AKAP1: variants seen among roughly 807,000 people sequenced by gnomAD.
The protein encoded by AKAP1 is A-kinase anchoring protein 1.
In AKAP1, 32 loss-of-function variants were observed where a neutral mutation model predicts 79.8. The observed-to-expected ratio is 0.40, with a 90% confidence interval of 0.30 to 0.54. The LOEUF (loss-of-function observed/expected upper bound fraction) is 0.54. Among genes scored for constraint, AKAP1 ranks in the 20% least tolerant of loss-of-function variants. AKAP1 has a pLI of 0.47. For missense variants in AKAP1, 961 were observed against 1,138.9 expected (o/e 0.84, Z 2.25); for synonymous variants, 416 against 466.7 (o/e 0.89, Z 1.40).
At chr17:57,087,138 A>G (rs985737771) in intron 1 of AKAP1, among the ~76,000 whole-genome samples, 5 of 152,240 alleles carry the variant, frequency 3.3e-5, no homozygotes, top group Admixed American at 1.3e-4. Context: ...TCCTACAGGC[A>G]TGCAAATCAC....
chr17:57,100,777 A>G (rs1039417433), intron 1 of AKAP1, among the ~76,000 whole-genome samples: 1 of 152,052 alleles, frequency 6.6e-6, no homozygotes, highest in African/African-American at 2.4e-5. Context: ...GCCTTTCCTC[A>G]TAGCCACTTT....
chr17:57,111,713 C>G (rs1915256929), intron 3 of AKAP1, 85 bp from the exon 4 acceptor site: 3 of 1,520,206 alleles, frequency 2.0e-6, no homozygotes, highest in Non-Finnish European at 2.7e-6. Flanking sequence ...TGAGCATGAT[C>G]TTGTGTAAAA....
intron 1 of AKAP1, among the ~76,000 whole-genome samples, chr17:57,091,008 C>T (rs898545041): frequency 6.6e-6 from 1 of 152,350 alleles, no homozygotes; most frequent in Admixed American, 6.5e-5. Context: ...AGCACAGCCC[C>T]AGCCCCCATC....
chr17:57,103,219 C>G (rs553302811), intron 1 of AKAP1, among the ~76,000 whole-genome samples: 3 of 152,214 alleles, frequency 2.0e-5, no homozygotes, highest in Non-Finnish European at 2.9e-5. Context: ...GCTGCTGCTT[C>G]AAATATCAGC....
Position 57,106,141 on chromosome 17 carries a change from TG to T in AKAP1, c.679del (p.Glu227AsnfsTer13). The stretch of plus-strand genomic sequence containing the variant: ...GCTCTGTTGTCTCGGGAGCATGTCT[TG>T]GAATTGGAGAACAGCAAGGGCCCCA... ...EEALLSREHV[L>X]ELENSKGPSL... is the part of the protein sequence containing the mutation. On this transcript the variant is annotated frameshift_variant, in exon 2 of 11. Transcript: ENST00000337714. LOFTEE classifies it high-confidence loss of function. 9 of 1,609,016 alleles carry T rather than the reference TG, an allele frequency of 5.6e-6. No individual in the cohort carries two copies. Among genetic ancestry groups the T allele is most frequent in the Non-Finnish European group, 7.6e-6 (9 of 1,176,744 alleles).
chr17:57,120,570 T>TAAA lies in AKAP1; in HGVS notation c.*261_*263dup, dbSNP rs5821162. On this transcript the variant is annotated 3_prime_UTR_variant, in exon 11 of 11. Transcript: ENST00000337714. ...TGGCTTATGCTGGTTCTCAGCTGTT[T>TAAA]AAAAAAAAAAAAAAAAAGGAATAGA... 1.2e-4 allele frequency: 27 copies of TAAA among 221,168 alleles called. No individual in the cohort carries two copies. Among genetic ancestry groups the TAAA allele is most frequent in the Admixed American group, 3.5e-4 (6 of 16,978 alleles). 13.7% of individuals were successfully genotyped at this position (221,168 alleles called of 1,614,324 possible). A position where few individuals can be genotyped will look rare whatever the true frequency, so the allele number is the denominator to read the frequency against.
chr17:57,112,558 C>T lies in AKAP1; in HGVS notation c.2043C>T (p.Thr681=). 6.2e-7 allele frequency: 1 copy of T among 1,614,168 alleles called. No homozygotes were observed. ...AGAAGTTCAAAGAGCTGAACCTCAC[C>T]AATATCTACGCTCCCCCATTGCCTT... The part of the protein sequence containing the change: ...IGKKFKELNL[T]NIYAPPLPSL... Residue 681 remains threonine (T), a synonymous_variant, in exon 5 of 11, where the codon ACC becomes ACT. Coordinates refer to ENST00000337714, the MANE Select transcript of AKAP1 (RefSeq NM_003488.4).
In AKAP1 at chr17:57,106,086, G is replaced by T; in HGVS notation, c.622G>T (p.Ala208Ser). The change falls in exon 2 of 11, where the codon GCC becomes TCC. Residue 208 changes from alanine to serine, a missense_variant. Around this residue, in one of 3 missense-constraint regions of AKAP1, gnomAD observed 224 missense variants for 210.2 expected, o/e 1.07. Transcript: ENST00000337714. ...AGGTGGGGCCGAAGGGACTGGTGATGCCGTGTTGGGGGAAAAGGTGCTTGA... is the reference window on the plus strand; with the variant it reads ...AGGTGGGGCCGAAGGGACTGGTGATTCCGTGTTGGGGGAAAAGGTGCTTGA... ...ETGGAEGTGD[A>S]VLGEKVLEEA... The T allele has an allele frequency of 6.2e-7, 1 of 1,606,826 alleles. No individual in the cohort carries two copies. The highest frequency in any genetic ancestry group is 8.5e-7 in the Non-Finnish European group (1 of 1,175,852).
chr17:57,108,576 G>A (rs571633316), intron 2 of AKAP1, among the ~76,000 whole-genome samples: 140 of 152,334 alleles, frequency 9.2e-4, no homozygotes, highest in African/African-American at 3.2e-3. Context: ...AACCTAAGCC[G>A]TGGTGATGGG....
intron 1 of AKAP1, among the ~76,000 whole-genome samples, chr17:57,089,197 C>A (rs978826939): frequency 6.6e-6 from 1 of 152,134 alleles, no homozygotes; most frequent in Non-Finnish European, 1.5e-5. Context: ...TGGAGTTAGA[C>A]CAAACGTGCC....
At chr17:57,093,297 T>C (rs1301439979) in intron 1 of AKAP1, 1 of 152,242 alleles carries the variant, frequency 6.6e-6, no homozygotes, top group Non-Finnish European at 1.5e-5. Flanking sequence ...TTTGACTCTC[T>C]ACCCTTCCTT....
intron 6 of AKAP1, among the ~76,000 whole-genome samples, chr17:57,115,133 T>C (rs990445998): frequency 1.3e-5 from 2 of 152,180 alleles, no homozygotes; most frequent in Non-Finnish European, 2.9e-5. Context: ...CTCAGGTGAC[T>C]TGCCCAAGTG....
At chr17:57,114,286 A>C (rs1915440566) in intron 5 of AKAP1, among the ~76,000 whole-genome samples, 173 bp from the exon 6 acceptor site, 1 of 152,166 alleles carries the variant, frequency 6.6e-6, no homozygotes, top group Non-Finnish European at 1.5e-5. Context: ...GGTGTCGAAC[A>C]CTTTCTGTTG....
Position 57,118,627 on chromosome 17 carries a change from AC to A in AKAP1, c.2574+175del, listed in dbSNP as rs147911950. 6.6e-4 allele frequency among the ~76,000 whole-genome samples: 101 copies of A among 152,360 alleles called. 2 individuals carry two copies. The East Asian group carries it at 0.019, about 28-fold the overall frequency. ...TGTTCTCACATTGCTGTAAAGAAAT[AC>A]CTGGGACTGAATAATCTATAAAGGA... On this transcript the variant is annotated intron_variant, in intron 9 of 10. Coordinates refer to ENST00000337714, the MANE Select transcript of AKAP1 (RefSeq NM_003488.4).
intron 1 of AKAP1, among the ~76,000 whole-genome samples, chr17:57,099,718 A>T (rs1914365595): frequency 6.6e-6 from 1 of 152,042 alleles, no homozygotes; most frequent in Non-Finnish European, 1.5e-5. Flanking sequence ...TGTCCTGGTA[A>T]ACTACAGAGC....
Position 57,112,528 on chromosome 17 carries a change from T to A in AKAP1, c.2013T>A (p.Ile671=). 6.2e-7 allele frequency: 1 copy of A among 1,614,146 alleles called. No individual in the cohort carries two copies. Among genetic ancestry groups the A allele is most frequent in the Non-Finnish European group, 8.5e-7 (1 of 1,180,006 alleles). Residue 671 remains isoleucine, a synonymous_variant, in exon 5 of 11, where the codon ATT becomes ATA. Coordinates refer to ENST00000337714, the MANE Select transcript of AKAP1 (RefSeq NM_003488.4). ...QHHVDKALNL[I]GKKFKELNLT... The stretch of plus-strand genomic sequence containing the variant: ...ATGTAGACAAAGCGCTGAACTTGAT[T>A]GGGAAGAAGTTCAAAGAGCTGAACC...
chr17:57,091,784 G>C (rs1283179450), intron 1 of AKAP1, among the ~76,000 whole-genome samples: 2 of 151,962 alleles, frequency 1.3e-5, no homozygotes, highest in Admixed American at 1.3e-4. Flanking sequence ...GAATTCCTGG[G>C]TTCAAGGGAT....
chr17:57,114,175 G>T (rs1258124771), intron 5 of AKAP1, among the ~76,000 whole-genome samples: 1 of 152,190 alleles, frequency 6.6e-6, no homozygotes. Context: ...CTCCGCAGTT[G>T]CTTCTTGGTT....
At chr17:57,105,000 G>A (rs1914752313) in intron 1 of AKAP1, among the ~76,000 whole-genome samples, 1 of 152,204 alleles carries the variant, frequency 6.6e-6, no homozygotes, top group Admixed American at 6.5e-5. Context: ...GTAGATGTGA[G>A]GGAACCATGC....
Sources: gnomAD v4.1 joint callset for allele counts (sites outside exome capture counted in the v4.1 genomes callset) on GRCh38, gnomAD v4.1.1 for gene constraint, gnomAD v4.1.1 regional missense constraint, MANE v1.5 for transcripts, NCBI Gene and HGNC (gene_info 2026-07-23, HGNC 2026-07-21) for gene names.